EGFLAM: variants seen among roughly 807,000 people sequenced by gnomAD.
EGFLAM encodes EGF like, fibronectin type III and laminin G domains, also known as pikachurin.
EGFLAM carries 79 observed loss-of-function variants against 113.1 expected under a neutral mutation model. The observed-to-expected ratio is 0.70, with a 90% CI of 0.58 to 0.84. EGFLAM has a LOEUF of 0.84. Ranked by LOEUF, EGFLAM falls within the 40% of genes least tolerant of loss-of-function variation. The pLI, the probability that EGFLAM is intolerant of heterozygous loss-of-function variation, is 0.00. For missense variants in EGFLAM, 1,265 were observed against 1,291.6 expected, an observed-to-expected ratio of 0.98 and a Z score of 0.32; for synonymous variants, 504 against 487.6, an observed-to-expected ratio of 1.03 and a Z score of -0.44.
intron 21 of EGFLAM, 93 bp downstream of exon 21, chr5:38,463,104 A>C: frequency 1.7e-6 from 2 of 1,209,604 alleles, no homozygotes; most frequent in Non-Finnish European, 2.3e-6. Flanking sequence ...ACTTTGCTGG[A>C]TCAAATACCT....
chr5:38,437,222 A>T (rs897188960), intron 16 of EGFLAM, among the ~76,000 whole-genome samples: 3 of 152,192 alleles, frequency 2.0e-5, no homozygotes, highest in Non-Finnish European at 4.4e-5. Context: ...ACAGTGGGGT[A>T]AAGAATGCGA....
chr5:38,328,723 G>GTTTTTTTT (rs3077265), intron 1 of EGFLAM, among the ~76,000 whole-genome samples: 2 of 103,022 alleles, frequency 1.9e-5, no homozygotes, highest in Non-Finnish European at 3.9e-5. Flanking sequence ...AGCTATACTT[G>GTTTTTTTT]TTTTTTTTTT....
At chr5:38,276,319 A>T (rs1169221062) in intron 1 of EGFLAM, among the ~76,000 whole-genome samples, 9 of 152,188 alleles carry the variant, frequency 5.9e-5, no homozygotes. Context: ...ACAAGATGAG[A>T]TTTGGGTAGG....
chr5:38,426,089 C>G (rs370800424), intron 13 of EGFLAM, among the ~76,000 whole-genome samples: 2 of 144,966 alleles, frequency 1.4e-5, no homozygotes, highest in Admixed American at 1.4e-4. Flanking sequence ...GGTGACAGAG[C>G]GAGACTCCAT....
At position 38,454,699 on chromosome 5, in the gene EGFLAM, G is replaced by A. The variant is rs553769133; in HGVS notation, c.2687+3241G>A. On this transcript the variant is annotated intron_variant, in intron 19 of 21. Transcript: ENST00000322350. ...AATTGTTCTACAGAGCAGACAAATCGTTCTTGAGGTTTCAGTGTTTGATCC... is the reference window on the plus strand; with the variant it reads ...AATTGTTCTACAGAGCAGACAAATCATTCTTGAGGTTTCAGTGTTTGATCC... Among the ~76,000 whole-genome samples the A allele has an allele frequency of 1.3e-4, 20 of 152,258 alleles. No homozygotes were observed. The South Asian group carries it at 3.3e-3, about 25-fold the overall frequency.
intron 1 of EGFLAM, among the ~76,000 whole-genome samples, chr5:38,270,083 G>A (rs980365000): frequency 6.6e-6 from 1 of 152,216 alleles, no homozygotes. Flanking sequence ...GACTCCATGC[G>A]TGTCATGGGA....
At chr5:38,265,382 G>A (rs1005318746) in intron 1 of EGFLAM, among the ~76,000 whole-genome samples, 14 of 152,192 alleles carry the variant, frequency 9.2e-5, no homozygotes, top group African/African-American at 3.4e-4. Context: ...AGGCCGGACT[G>A]TAGTGTTTCC....
At chr5:38,261,199 GTC>G (rs1188951287) in intron 1 of EGFLAM, among the ~76,000 whole-genome samples, 1 of 152,186 alleles carries the variant, frequency 6.6e-6, no homozygotes, top group African/African-American at 2.4e-5. Flanking sequence ...TCAAGTCTGA[GTC>G]TAGTTTGGGT....
At position 38,291,258 on chromosome 5, in the gene EGFLAM, A is replaced by G. The variant is rs139670432; in HGVS notation, c.97+32407A>G. 1.9e-3 allele frequency among the ~76,000 whole-genome samples: 290 copies of G among 152,354 alleles called. 4 individuals are homozygous for G. The highest frequency in any genetic ancestry group is 0.014 in the Admixed American group (217 of 15,308). On this transcript the variant is annotated intron_variant, in intron 1 of 21. Transcript: ENST00000322350. Reference sequence around the variant, plus strand: ...CTTCAAATATTTGGTGGAATAAGGCAGGTAAATATGACTGTAAATGTGCAC... The same window carrying G: ...CTTCAAATATTTGGTGGAATAAGGCGGGTAAATATGACTGTAAATGTGCAC...
chr5:38,280,981 A>C (rs1301604878), intron 1 of EGFLAM, among the ~76,000 whole-genome samples: 1 of 152,190 alleles, frequency 6.6e-6, no homozygotes, highest in South Asian at 2.1e-4. Flanking sequence ...ATCTTTGAGG[A>C]TGAGCTACCC....
chr5:38,343,278 C>T (rs1465273951), intron 3 of EGFLAM, among the ~76,000 whole-genome samples: 5 of 151,744 alleles, frequency 3.3e-5, no homozygotes, highest in South Asian at 2.1e-4. Context: ...TGGTGGTAGG[C>T]GCCTGTAATC....
Position 38,407,808 on chromosome 5 carries a change from T to C in EGFLAM, c.1151T>C (p.Ile384Thr), listed in dbSNP as rs1452869938. The C allele has an allele frequency of 1.2e-6, 2 of 1,607,770 alleles. No individual in the cohort carries two copies. The highest frequency in any genetic ancestry group is 1.7e-6 in the Non-Finnish European group (2 of 1,175,588). ...GKGGESCSEDIVIQYPQFFGH... is the reference protein window; with the variant it reads ...GKGGESCSEDTVIQYPQFFGH... ...TGTTGTCTTTTTTCTTCTTCAGATA[T>C]TGTTATCCAGTATCCTCAGTTCTTT... Residue 384 changes from isoleucine to threonine, a missense_variant, in exon 9 of 22, where the codon ATT becomes ACT. Ile to Thr is a moderately conservative substitution (Grantham distance 89). Coordinates refer to ENST00000322350, the MANE Select transcript of EGFLAM (RefSeq NM_152403.4).
intron 16 of EGFLAM, 111 bp from the exon 17 acceptor site, chr5:38,438,164 T>G: frequency 8.5e-7 from 1 of 1,181,490 alleles, no homozygotes; most frequent in Non-Finnish European, 1.1e-6. Context: ...TTAAAAAAAT[T>G]TTTTTTCAAT....
chr5:38,337,464 A>G, intron 1 of EGFLAM, 56 bp from the exon 2 acceptor site: 1 of 1,426,640 alleles, frequency 7.0e-7, no homozygotes, highest in South Asian at 1.3e-5. Context: ...TTGTGTAAGT[A>G]TACTCAAGGT....
intron 6 of EGFLAM, among the ~76,000 whole-genome samples, chr5:38,390,407 A>T (rs990954119): frequency 3.3e-5 from 5 of 152,180 alleles, no homozygotes; most frequent in Admixed American, 3.3e-4. Context: ...CTGTAGTTGG[A>T]CATTTAAGTT....
At chr5:38,301,531 A>G (rs149891815) in intron 1 of EGFLAM, among the ~76,000 whole-genome samples, 30 of 152,216 alleles carry the variant, frequency 2.0e-4, no homozygotes, top group African/African-American at 7.0e-4. Flanking sequence ...AAAGAGGATA[A>G]AAGAAATGGG....
At chr5:38,443,102 C>G (rs1561096813) in intron 17 of EGFLAM, among the ~76,000 whole-genome samples, 1 of 151,874 alleles carries the variant, frequency 6.6e-6, no homozygotes. Flanking sequence ...CCCATCTCTA[C>G]TAAAAATGCA....
chr5:38,447,118 G>C (rs1033315989), intron 17 of EGFLAM, among the ~76,000 whole-genome samples: 2 of 152,056 alleles, frequency 1.3e-5, no homozygotes, highest in Admixed American at 1.3e-4. Context: ...TATTTCTCCA[G>C]CAGAAATCCC....
At chr5:38,435,028 T>G (rs2956598) in intron 15 of EGFLAM, 109 bp from the exon 16 acceptor site, 467,900 of 847,566 alleles carry the variant, frequency 0.55, 136,188 homozygotes, top group African/African-American at 0.88. Context: ...GATGGGTCTC[T>G]AGGCTCTGTC....
Sources: allele counts gnomAD v4.1 joint callset (sites outside exome capture counted in the v4.1 genomes callset), GRCh38; gene constraint gnomAD v4.1.1; transcripts MANE v1.5; gene names NCBI Gene and HGNC (gene_info 2026-07-23, HGNC 2026-07-21).